The following HHIP variants were observed in gnomAD, a reference collection of about 807,000 sequenced individuals.
The protein encoded by HHIP is hedgehog-interacting protein.
HHIP carries 12 observed loss-of-function variants against 74.0 expected under a neutral mutation model. The observed-to-expected ratio is 0.16, with a 90% CI of 0.10 to 0.26. The LOEUF is 0.26. Ranked by LOEUF, HHIP falls within the 10% of genes least tolerant of loss-of-function variation. The pLI is 1.00. For missense variants in HHIP, 788 were observed against 845.0 expected, an observed-to-expected ratio of 0.93 and a Z score of 0.84; for synonymous variants, 309 against 311.6, an observed-to-expected ratio of 0.99 and a Z score of 0.09.
intron 11 of HHIP, among the ~76,000 whole-genome samples, chr4:144,721,306 A>C (rs751921336): frequency 5.3e-5 from 8 of 151,406 alleles, no homozygotes; most frequent in Non-Finnish European, 1.0e-4. Flanking sequence ...CACACACAAA[A>C]ACACACACAC....
intron 10 of HHIP, among the ~76,000 whole-genome samples, chr4:144,717,844 A>T (rs1730506023): frequency 6.6e-6 from 1 of 152,132 alleles, no homozygotes; most frequent in Non-Finnish European, 1.5e-5. Context: ...TAAAAAGCTA[A>T]AGAAGGCACA....
chr4:144,674,630 T>A (rs1228127052), intron 4 of HHIP, among the ~76,000 whole-genome samples: 1 of 152,200 alleles, frequency 6.6e-6, no homozygotes, highest in Non-Finnish European at 1.5e-5. Context: ...TTAAAAAATA[T>A]GCATTCTGAA....
rs1560729242 is a variant in HHIP at position 144,743,012 on chromosome 4, A to ATACATATAAGATATATAT, written c.*5057_*5058insCATATAAGATATATATTA. 27 of 2,094 alleles carry ATACATATAAGATATATAT rather than the reference A, an allele frequency of 0.013. 2 individuals carry two copies. The highest frequency in any genetic ancestry group is 0.024 in the African/African-American group (26 of 1,068). 0.1% of individuals were successfully genotyped at this position (2,094 alleles called of 1,614,324 possible). A position where few individuals can be genotyped will look rare whatever the true frequency, so the allele number is the denominator to read the frequency against. ...TATATATATATAATATATATATATTATATATATATAATATATATCTTATAT... is the reference window on the plus strand; with the variant it reads ...TATATATATATAATATATATATATTATACATATAAGATATATATTATATATATAATATATATCTTATAT... On this transcript the variant is annotated 3_prime_UTR_variant, in exon 13 of 13. Transcript: ENST00000296575.
In HHIP at chr4:144,646,692, C is replaced by G; in HGVS notation, c.17C>G (p.Ser6Cys). ...GGGCAGACGATGCTGAAGATGCTCT[C>G]CTTTAAGCTGCTGCTGCTGGCCGTG... MLKML[S>C]FKLLLLAVAL... The change falls in exon 1 of 13, where the codon TCC becomes TGC. Residue 6 changes from serine to cysteine, a missense_variant. This residue lies in a region of HHIP where 373 missense variants were observed against 366.4 expected (regional missense o/e 1.02). Transcript: ENST00000296575. 6.2e-7 allele frequency: 1 copy of G among 1,614,120 alleles called. No individual in the cohort carries two copies. The highest frequency in any genetic ancestry group is 8.5e-7 in the Non-Finnish European group (1 of 1,179,994).
intron 11 of HHIP, among the ~76,000 whole-genome samples, chr4:144,732,010 C>G (rs939745412): frequency 6.6e-6 from 1 of 152,068 alleles, no homozygotes; most frequent in Non-Finnish European, 1.5e-5. Flanking sequence ...CCCTGAAGAG[C>G]GCAGTACTTG....
intron 4 of HHIP, among the ~76,000 whole-genome samples, chr4:144,703,883 A>G (rs1730057829): frequency 6.6e-6 from 1 of 152,154 alleles, no homozygotes; most frequent in Non-Finnish European, 1.5e-5. Flanking sequence ...CAATCAACAT[A>G]TTTCTTCATA....
intron 11 of HHIP, among the ~76,000 whole-genome samples, chr4:144,719,544 AC>A (rs1332468691): frequency 6.6e-6 from 1 of 152,108 alleles, no homozygotes; most frequent in Non-Finnish European, 1.5e-5. Context: ...TGTTTATCTC[AC>A]CCCTGGTCCT....
At chr4:144,680,819 T>G (rs1729314819) in intron 4 of HHIP, among the ~76,000 whole-genome samples, 1 of 152,226 alleles carries the variant, frequency 6.6e-6, no homozygotes. Flanking sequence ...TTTGGACTTG[T>G]GTCCAGGATT....
intron 4 of HHIP, among the ~76,000 whole-genome samples, chr4:144,706,239 C>T (rs1730130044): frequency 6.6e-6 from 1 of 152,196 alleles, no homozygotes; most frequent in Non-Finnish European, 1.5e-5. Flanking sequence ...AGCACTTAAA[C>T]TTGTCCTCCT....
chr4:144,658,761 T>A, intron 2 of HHIP, 29 bp from the exon 3 acceptor site: 1 of 1,591,302 alleles, frequency 6.3e-7, no homozygotes, highest in African/African-American at 1.3e-5. Flanking sequence ...ATTAGGTGCT[T>A]CTAATGAGTC....
At chr4:144,699,788 G>T (rs1184194113) in intron 4 of HHIP, among the ~76,000 whole-genome samples, 1 of 151,570 alleles carries the variant, frequency 6.6e-6, no homozygotes, top group Non-Finnish European at 1.5e-5. Context: ...AACAAATCAT[G>T]CAGTCCTTCC....
chr4:144,693,517 C>A (rs1449625767), intron 4 of HHIP, among the ~76,000 whole-genome samples: 1 of 152,052 alleles, frequency 6.6e-6, no homozygotes, highest in Non-Finnish European at 1.5e-5. Flanking sequence ...TGGACACTGT[C>A]CTCCTTAAAA....
Position 144,659,783 on chromosome 4 carries a change from A to T in HHIP, c.776A>T (p.Glu259Val). The T allele has an allele frequency of 6.2e-7, 1 of 1,611,642 alleles. No individual in the cohort carries two copies. Among genetic ancestry groups the T allele is most frequent in the Non-Finnish European group, 8.5e-7 (1 of 1,179,322 alleles). ...GYVKILTPEGEIFKEPYLDIH... is the reference protein window; with the variant it reads ...GYVKILTPEGVIFKEPYLDIH... ...GTGAAGATACTTACCCCTGAAGGAG[A>T]AATTTTCAAGGAGCCTTATTTGGAC... Residue 259 changes from glutamate to valine, a missense_variant, in exon 4 of 13, where the codon GAA (glutamate) becomes GTA (valine). Glu to Val is a moderately radical substitution (Grantham distance 121, BLOSUM62 -2). This residue lies in a region of HHIP where 373 missense variants were observed against 366.4 expected (regional missense o/e 1.02). Coordinates refer to ENST00000296575, the MANE Select transcript of HHIP (RefSeq NM_022475.3).
intron 4 of HHIP, among the ~76,000 whole-genome samples, chr4:144,683,277 A>G (rs1729395685): frequency 6.6e-6 from 1 of 152,244 alleles, no homozygotes; most frequent in African/African-American, 2.4e-5. Context: ...CACTTGAGAT[A>G]AACACAGAGC....
In HHIP at chr4:144,707,151, A is replaced by G; in HGVS notation, c.1048A>G (p.Arg350Gly). 1 of 1,614,136 alleles carries G rather than the reference A, an allele frequency of 6.2e-7. No individual in the cohort carries two copies. Among genetic ancestry groups the G allele is most frequent in the Non-Finnish European group, 8.5e-7 (1 of 1,179,978 alleles). ...RVFLEVAELH[R>G]KHLGGQLLFG... The stretch of plus-strand genomic sequence containing the variant: ...CTTTCTTGAAGTTGCAGAACTCCAC[A>G]GAAAGCATCTGGGAGGACAACTGCT... Residue 350 changes from arginine to glycine, a missense_variant, in exon 6 of 13, where the codon AGA (arginine) becomes GGA (glycine). By Grantham distance (125) the Arg-to-Gly change is moderately radical. Transcript: ENST00000296575.
chr4:144,696,380 A>T (rs1020752799), intron 4 of HHIP, among the ~76,000 whole-genome samples: 1 of 152,004 alleles, frequency 6.6e-6, no homozygotes, highest in South Asian at 2.1e-4. Context: ...TATATCCCAC[A>T]TAAGTTAAAA....
chr4:144,715,860 C>G (rs1417018065), intron 10 of HHIP, among the ~76,000 whole-genome samples: 8 of 152,038 alleles, frequency 5.3e-5, no homozygotes, highest in Non-Finnish European at 1.0e-4. Flanking sequence ...CCCGCTATTT[C>G]TTTTTTCTTT....
chr4:144,712,054 T>C lies in HHIP; in HGVS notation c.1406T>C (p.Ile469Thr), dbSNP rs202162458. ...TCATCAGCCAGAATTCTACAGATAATAAAGGGGAAAGATTATGGTATGTAG... is the reference window on the plus strand; with the variant it reads ...TCATCAGCCAGAATTCTACAGATAACAAAGGGGAAAGATTATGGTATGTAG... ...NRSSARILQI[I>T]KGKDYESEPS... The change falls in exon 8 of 13, where the codon ATA becomes ACA. Residue 469 changes from isoleucine to threonine, a missense_variant. Ile to Thr is a moderately conservative substitution (Grantham distance 89). Transcript: ENST00000296575. The C allele has an allele frequency of 8.9e-5, 143 of 1,612,792 alleles. No homozygotes were observed. The highest frequency in any genetic ancestry group is 1.8e-4 in the Admixed American group (11 of 59,962).
At chr4:144,701,952 A>C (rs1201314943) in intron 4 of HHIP, among the ~76,000 whole-genome samples, 1 of 152,192 alleles carries the variant, frequency 6.6e-6, no homozygotes, top group Non-Finnish European at 1.5e-5. Context: ...TTGTCTTTTA[A>C]ATGTCACAAT....
Sources: allele counts gnomAD v4.1 joint callset (sites outside exome capture counted in the v4.1 genomes callset), GRCh38; gene constraint gnomAD v4.1.1; regional missense constraint gnomAD v4.1.1; transcripts MANE v1.5; gene names NCBI Gene and HGNC (gene_info 2026-07-23, HGNC 2026-07-21).